Variants in QTMAN observed in about 807,000 individuals in gnomAD.
The protein encoded by QTMAN is tRNA-queuosine alpha-mannosyltransferase.
chr2:143,998,535 C>T, the QTMAN span, among the ~76,000 whole-genome samples: 1 of 151,642 alleles, frequency 6.6e-6, no homozygotes, highest in Admixed American at 6.6e-5. Flanking sequence ...AAATGAAAAC[C>T]TTCCTGGGTA....
chr2:144,232,268 A>T, the QTMAN span, among the ~76,000 whole-genome samples: 8 of 152,340 alleles, frequency 5.3e-5, no homozygotes, highest in South Asian at 1.7e-3. Context: ...AGAAAATAAC[A>T]GGTGAGTTTA....
At chr2:144,042,681 G>A in the QTMAN span, among the ~76,000 whole-genome samples, 1 of 150,678 alleles carries the variant, frequency 6.6e-6, no homozygotes, top group East Asian at 2.0e-4. Context: ...GGAGAATGGC[G>A]TGAACCCGGA....
chr2:144,270,596 T>G, the QTMAN span, among the ~76,000 whole-genome samples: 1 of 147,204 alleles, frequency 6.8e-6, no homozygotes, highest in African/African-American at 2.5e-5. Flanking sequence ...TAAGTGGAAG[T>G]TGAACAATGA....
chr2:144,072,163 TGA>T, the QTMAN span, among the ~76,000 whole-genome samples: 1 of 152,202 alleles, frequency 6.6e-6, no homozygotes, highest in African/African-American at 2.4e-5. Flanking sequence ...TGATCAAGAA[TGA>T]GACTTAGTAT....
chr2:144,173,861 G>A, the QTMAN span, among the ~76,000 whole-genome samples: 115 of 152,190 alleles, frequency 7.6e-4, no homozygotes, highest in African/African-American at 2.7e-3. Context: ...ACAAGAACTG[G>A]CTGTTGAAAG....
At chr2:144,323,394 CT>C in the QTMAN span, among the ~76,000 whole-genome samples, 2 of 152,190 alleles carry the variant, frequency 1.3e-5, no homozygotes, top group East Asian at 1.9e-4. Context: ...GTGGCTTTTT[CT>C]TTTTTTCTGT....
At chr2:144,266,768 C>T in the QTMAN span, among the ~76,000 whole-genome samples, 1 of 152,204 alleles carries the variant, frequency 6.6e-6, no homozygotes, top group African/African-American at 2.4e-5. Context: ...ACTTTCGGTA[C>T]ATATGTCCCC....
chr2:144,215,021 C>T, the QTMAN span, among the ~76,000 whole-genome samples: 3 of 151,956 alleles, frequency 2.0e-5, no homozygotes, highest in African/African-American at 7.3e-5. Flanking sequence ...GGTAGGAGAA[C>T]TGCTTGAACC....
the QTMAN span, among the ~76,000 whole-genome samples, chr2:144,048,244 C>A: frequency 6.6e-6 from 1 of 152,232 alleles, no homozygotes; most frequent in Non-Finnish European, 1.5e-5. Context: ...GTGATCAGCT[C>A]AGCAATTAAT....
the QTMAN span, among the ~76,000 whole-genome samples, chr2:144,318,944 C>T: frequency 6.6e-6 from 1 of 152,026 alleles, no homozygotes; most frequent in African/African-American, 2.4e-5. Context: ...AAATAGTATA[C>T]CAAAAGTAAG....
chr2:144,052,794 G>A, the QTMAN span, among the ~76,000 whole-genome samples: 1 of 152,182 alleles, frequency 6.6e-6, no homozygotes, highest in Non-Finnish European at 1.5e-5. Context: ...TGGGATTACA[G>A]GCATGCGCCA....
At chr2:144,182,812 TATATATTATATATATA>T in the QTMAN span, among the ~76,000 whole-genome samples, 1 of 61,700 alleles carries the variant, frequency 1.6e-5, no homozygotes, top group African/African-American at 8.5e-5. Context: ...ATATATAATA[TATATATTATATATATA>T]ATATATATAT....
chr2:144,295,738 G>A, the QTMAN span, among the ~76,000 whole-genome samples: 3 of 151,688 alleles, frequency 2.0e-5, no homozygotes, highest in African/African-American at 4.8e-5. Context: ...TCAGCCTCTC[G>A]AGTAGCTGAG....
At chr2:144,049,555 C>T in the QTMAN span, among the ~76,000 whole-genome samples, 1 of 151,792 alleles carries the variant, frequency 6.6e-6, no homozygotes, top group Non-Finnish European at 1.5e-5. Context: ...CTAATAGAAC[C>T]CTAACCTTTA....
At chr2:144,191,734 T>C in the QTMAN span, among the ~76,000 whole-genome samples, 1 of 152,186 alleles carries the variant, frequency 6.6e-6, no homozygotes, top group Non-Finnish European at 1.5e-5. Context: ...TGATGATCTT[T>C]GCTTATAAAA....
chr2:144,105,260 AC>A, the QTMAN span, among the ~76,000 whole-genome samples: 1 of 152,248 alleles, frequency 6.6e-6, no homozygotes, highest in East Asian at 1.9e-4. Flanking sequence ...ACGGAGAATG[AC>A]TTTGAAGAGC....
chr2:144,195,130 T>A, the QTMAN span, among the ~76,000 whole-genome samples: 5 of 152,024 alleles, frequency 3.3e-5, no homozygotes, highest in African/African-American at 1.2e-4. Context: ...TTCTCCCAAG[T>A]TTTGACATCA....
the QTMAN span, among the ~76,000 whole-genome samples, chr2:143,992,906 T>C: frequency 9.9e-5 from 15 of 152,176 alleles, no homozygotes; most frequent in Admixed American, 3.9e-4. Context: ...TTATCAAGAA[T>C]AGTAATGATT....
chr2:144,179,340 T>C, the QTMAN span, among the ~76,000 whole-genome samples: 2 of 152,184 alleles, frequency 1.3e-5, no homozygotes, highest in African/African-American at 4.8e-5. Context: ...TTTCCACATG[T>C]TAATTGAAAA....
Sources: allele counts gnomAD v4.1 joint callset (sites outside exome capture counted in the v4.1 genomes callset), GRCh38; gene constraint gnomAD v4.1.1; transcripts MANE v1.5; gene names NCBI Gene and HGNC (gene_info 2026-07-23, HGNC 2026-07-21).